Variants in RASSF7 observed in about 807,000 individuals in gnomAD.
The protein encoded by RASSF7 is Ras association domain family member 7.
Under a neutral mutation model 33.8 loss-of-function variants are expected in RASSF7, and 41 were observed. The observed-to-expected ratio is 1.21, with a 90% CI of 0.95 to 1.57. The LOEUF (loss-of-function observed/expected upper bound fraction) is 1.57, where lower values mean the gene tolerates loss of function less well. Ranked by LOEUF, RASSF7 falls within the 40% of genes most tolerant of loss-of-function variation. RASSF7 has a pLI of 0.00. For missense variants in RASSF7, 622 were observed against 497.0 expected (o/e 1.25, Z -2.39); for synonymous variants, 298 against 212.8 (o/e 1.40, Z -3.48).
chr11:562,066 C>A lies in RASSF7; in HGVS notation c.125-13C>A. The stretch of plus-strand genomic sequence containing the variant: ...CGGGGGGACATAGGCTGACCTTCTC[C>A]TCTTCTTCCCAGGCCAGACTGGCCG... On this transcript the variant is annotated splice_polypyrimidine_tract_variant and intron_variant, in intron 2 of 5. Coordinates refer to ENST00000397583, the MANE Select transcript of RASSF7 (RefSeq NM_003475.4). 1 of 1,502,520 alleles carries A rather than the reference C, an allele frequency of 6.7e-7. No individual in the cohort carries two copies. The allele number at this position is 1,502,520 out of a possible 1,614,324, so 93.1% of individuals were successfully genotyped here. A position where few individuals can be genotyped will look rare whatever the true frequency, so the allele number is the denominator to read the frequency against.
chr11:562,492 C>A lies in RASSF7; in HGVS notation c.538C>A (p.Arg180Ser). Residue 180 changes from arginine (R) to serine (S), a missense_variant, in exon 3 of 6, where the codon CGC becomes AGC. Arg to Ser is a moderately radical substitution (Grantham distance 110). Transcript: ENST00000397583. ...TGAGGCCTTCTGGGAGCAAGAGCTG[C>A]GCCGGGAGCAGGCCCGGGAGCGAGA... Reference protein sequence around the residue: ...GHEAFWEQELRREQAREREGQ... With the variant: ...GHEAFWEQELSREQAREREGQ... The A allele has an allele frequency of 6.5e-7, 1 of 1,550,060 alleles. No individual in the cohort carries two copies. The highest frequency in any genetic ancestry group is 8.7e-7 in the Non-Finnish European group (1 of 1,146,910).
intron 1 of RASSF7, 132 bp from the exon 2 acceptor site, chr11:561,630 A>T: frequency 6.9e-7 from 1 of 1,439,208 alleles, no homozygotes. Context: ...GGGCTGGCAC[A>T]GGAGGGTGGG....
At position 561,758 on chromosome 11, in the gene RASSF7, A is replaced by G. The variant is rs747269690; in HGVS notation, c.-7-4A>G. 2.5e-6 allele frequency: 4 copies of G among 1,613,302 alleles called. No homozygotes were observed. Among genetic ancestry groups the G allele is most frequent in the East Asian group, 2.2e-5 (1 of 44,878 alleles). On this transcript the variant is annotated splice_region_variant and splice_polypyrimidine_tract_variant and intron_variant, in intron 1 of 5. Transcript: ENST00000397583. ...CTGACCCGGTGCCTGCGCCCTCCCC[A>G]CAGGACAGGCATGTTGTTGGGACTG...
Position 562,440 on chromosome 11 carries a change from G to T in RASSF7, c.486G>T (p.Val162=). The change falls in exon 3 of 6, where the codon GTG becomes GTT. Residue 162 remains valine (V), a synonymous_variant. Transcript: ENST00000397583. ...ACCTGCGGGGCCTGGAGCTCAGGGT[G>T]CAGAGGAATGCTGAGGAGCTGGGCC... ...CTDLRGLELR[V]QRNAEELGHE... is the part of the protein sequence containing the mutation. 6.4e-7 allele frequency: 1 copy of T among 1,551,760 alleles called. No individual in the cohort carries two copies. The highest frequency in any genetic ancestry group is 1.2e-5 in the South Asian group (1 of 84,482).
intron 2 of RASSF7, 28 bp downstream of exon 2, chr11:561,920 G>C (rs770888375): frequency 7.4e-6 from 12 of 1,611,902 alleles, no homozygotes; most frequent in Admixed American, 6.7e-5. Context: ...CAGGCAGGCC[G>C]GGCAGGTAGA....
Position 563,637 on chromosome 11 carries a change from G to A in RASSF7, c.1114G>A (p.Ala372Thr), listed in dbSNP as rs1169379850. The change falls in exon 6 of 6, where the codon GCT (alanine) becomes ACT (threonine). Residue 372 changes from alanine (A) to threonine (T), a missense_variant. Coordinates refer to ENST00000397583, the MANE Select transcript of RASSF7 (RefSeq NM_003475.4). ...GTGTCCTCTGGCAGCCCAGCCCCAG[G>A]CTCTGTGACAGCCTAGTGAGGGCTG... ...EWCPLAAQPQ[A>T]L 6.2e-7 allele frequency: 1 copy of A among 1,609,866 alleles called. No homozygotes were observed. The highest frequency in any genetic ancestry group is 1.3e-5 in the African/African-American group (1 of 75,040).
At position 561,195 on chromosome 11, in the gene RASSF7, G is replaced by A. The variant is rs1853279013; in HGVS notation, c.-290G>A. ...GCGGAACGGGGACGCCCTGGCTCCC[G>A]CCAGGCTGGGGTCGCGGCGCGGGCT... On this transcript the variant is annotated 5_prime_UTR_variant, in exon 1 of 6. Coordinates refer to ENST00000397583, the MANE Select transcript of RASSF7 (RefSeq NM_003475.4). 1 of 985,018 alleles carries A rather than the reference G, an allele frequency of 1.0e-6. No homozygotes were observed. The highest frequency in any genetic ancestry group is 1.2e-6 in the Non-Finnish European group (1 of 829,826). The allele number at this position is 985,018 out of a possible 1,614,324, so 61.0% of individuals were successfully genotyped here. A position where few individuals can be genotyped will look rare whatever the true frequency, so the allele number is the denominator to read the frequency against.
chr11:561,752 C>G lies in RASSF7; in HGVS notation c.-7-10C>G. Reference sequence around the variant, plus strand: ...CAGGTCCTGACCCGGTGCCTGCGCCCTCCCCACAGGACAGGCATGTTGTTG... The same window carrying G: ...CAGGTCCTGACCCGGTGCCTGCGCCGTCCCCACAGGACAGGCATGTTGTTG... On this transcript the variant is annotated splice_polypyrimidine_tract_variant and intron_variant, in intron 1 of 5. Transcript: ENST00000397583. 1 of 1,613,216 alleles carries G rather than the reference C, an allele frequency of 6.2e-7. No individual in the cohort carries two copies. The highest frequency in any genetic ancestry group is 1.7e-4 in the Middle Eastern group (1 of 6,032).
rs1458702426 is a variant in RASSF7 at position 562,174 on chromosome 11, G to A, written c.220G>A (p.Gly74Arg). ...ECPVGAQATCGQFASDVQFVL... is the reference protein window; with the variant it reads ...ECPVGAQATCRQFASDVQFVL... The stretch of plus-strand genomic sequence containing the variant: ...TCCAGTGGGCGCCCAGGCCACCTGC[G>A]GACAGTTTGCCAGCGATGTCCAGTT... The change falls in exon 3 of 6, where the codon GGA becomes AGA. Residue 74 changes from glycine to arginine, a missense_variant. Physicochemically the swap from Gly to Arg is moderately radical, Grantham distance 125 (BLOSUM62 -2). Coordinates refer to ENST00000397583, the MANE Select transcript of RASSF7 (RefSeq NM_003475.4). The A allele has an allele frequency of 4.4e-6, 7 of 1,584,130 alleles. No individual in the cohort carries two copies. The highest frequency in any genetic ancestry group is 1.1e-5 in the South Asian group (1 of 87,472).
chr11:563,522 G>A (rs1349981089), intron 5 of RASSF7, 36 bp from the exon 6 acceptor site: 2 of 1,610,066 alleles, frequency 1.2e-6, no homozygotes, highest in African/African-American at 1.3e-5. Flanking sequence ...GGGCCCTCCT[G>A]TGGCTGCAGC....
In RASSF7 at chr11:562,618, C is replaced by T; in HGVS notation, c.664C>T (p.Gln222Ter). 3 of 1,543,508 alleles carry T rather than the reference C, an allele frequency of 1.9e-6. No individual in the cohort carries two copies. The highest frequency in any genetic ancestry group is 2.6e-6 in the Non-Finnish European group (3 of 1,146,694). ...AQARALEAELQLAAEAPGPPS... is the reference protein window; with the variant it reads ...AQARALEAEL ...GGCCCGTGCCCTGGAGGCTGAGCTGCAGCTGGCAGCGGAGGCCCCTGGGCC... is the reference window on the plus strand; with the variant it reads ...GGCCCGTGCCCTGGAGGCTGAGCTGTAGCTGGCAGCGGAGGCCCCTGGGCC... The change falls in exon 3 of 6, where the codon CAG becomes TAG. Residue 222 changes from glutamine (Q) to a stop codon, truncating the protein, a stop_gained. Coordinates refer to ENST00000397583, the MANE Select transcript of RASSF7 (RefSeq NM_003475.4). LOFTEE classifies it high-confidence loss of function.
chr11:562,450 G>A lies in RASSF7; in HGVS notation c.496G>A (p.Ala166Thr). The stretch of plus-strand genomic sequence containing the variant: ...CCTGGAGCTCAGGGTGCAGAGGAAT[G>A]CTGAGGAGCTGGGCCATGAGGCCTT... ...RGLELRVQRN[A>T]EELGHEAFWE... The change falls in exon 3 of 6, where the codon GCT (alanine) becomes ACT (threonine). Residue 166 changes from alanine (A) to threonine (T), a missense_variant. Physicochemically the swap from Ala to Thr is moderately conservative, Grantham distance 58. Coordinates refer to ENST00000397583, the MANE Select transcript of RASSF7 (RefSeq NM_003475.4). 6.4e-7 allele frequency: 1 copy of A among 1,551,072 alleles called. No individual in the cohort carries two copies. Among genetic ancestry groups the A allele is most frequent in the Non-Finnish European group, 8.7e-7 (1 of 1,147,152 alleles).
Position 563,978 on chromosome 11 carries a change from C to T in RASSF7, c.*333C>T. On this transcript the variant is annotated 3_prime_UTR_variant, in exon 6 of 6. Transcript: ENST00000397583. The stretch of plus-strand genomic sequence containing the variant: ...CAGCAAGAGCATGTGTGTGCCACTT[C>T]CCCTACCCCAACGTGAAAACCTCAA... The T allele has an allele frequency of 2.5e-6, 1 of 404,638 alleles. No homozygotes were observed. The highest frequency in any genetic ancestry group is 4.4e-6 in the Non-Finnish European group (1 of 225,264). The allele number at this position is 404,638 out of a possible 1,614,324, so 25.1% of individuals were successfully genotyped here. A position where few individuals can be genotyped will look rare whatever the true frequency, so the allele number is the denominator to read the frequency against.
In RASSF7 at chr11:562,379, C is replaced by CG. The variant is rs1246501817; in HGVS notation, c.427dup (p.Ala143GlyfsTer25). ...CCCAGCCTCTCACGCCCTGGGCCTG[C>CG]GGCCCCTGTGACACCCACACCAGGC... On this transcript the variant is annotated frameshift_variant, in exon 3 of 6. Coordinates refer to ENST00000397583, the MANE Select transcript of RASSF7 (RefSeq NM_003475.4). LOFTEE classifies it high-confidence loss of function. 5.7e-6 allele frequency: 9 copies of CG among 1,583,592 alleles called. No homozygotes were observed. The highest frequency in any genetic ancestry group is 2.7e-5 in the African/African-American group (2 of 74,116).
At position 562,528 on chromosome 11, in the gene RASSF7, C is replaced by T. The variant is rs550227930; in HGVS notation, c.574C>T (p.Arg192Cys). Residue 192 changes from arginine to cysteine, a missense_variant, in exon 3 of 6, where the codon CGC becomes TGC. Coordinates refer to ENST00000397583, the MANE Select transcript of RASSF7 (RefSeq NM_003475.4). ...GGCCCGGGAGCGAGAGGGACAGGCA[C>T]GCCTGCAGGCACTAAGTGCGGCCAC... ...EQAREREGQA[R>C]LQALSAATAE... The T allele has an allele frequency of 6.5e-5, 100 of 1,548,760 alleles. No homozygotes were observed. Among genetic ancestry groups the T allele is most frequent in the East Asian group, 1.2e-4 (5 of 40,924 alleles).
At position 561,404 on chromosome 11, in the gene RASSF7, T is replaced by C. The variant is rs2134117085; in HGVS notation, c.-81T>C. ...AGCAGGTCGGGGTGGGGCGTTCCCA[T>C]GCCGGCGGCCGCGGGGCCTGGCGTG... On this transcript the variant is annotated 5_prime_UTR_variant, in exon 1 of 6. An upstream start codon of the reference 5' UTR is lost. Coordinates refer to ENST00000397583, the MANE Select transcript of RASSF7 (RefSeq NM_003475.4). 2 of 1,122,660 alleles carry C rather than the reference T, an allele frequency of 1.8e-6. No individual in the cohort carries two copies. The highest frequency in any genetic ancestry group is 6.4e-5 in the East Asian group (1 of 15,722). 69.5% of individuals were successfully genotyped at this position (1,122,660 alleles called of 1,614,324 possible).
chr11:561,664 C>A, intron 1 of RASSF7, 98 bp from the exon 2 acceptor site: 1 of 1,547,580 alleles, frequency 6.5e-7, no homozygotes, highest in African/African-American at 1.4e-5. Flanking sequence ...GGCGGCAGCC[C>A]AGCCGTTTCT....
Position 563,662 on chromosome 11 carries a change from G to A in RASSF7, c.*17G>A. On this transcript the variant is annotated 3_prime_UTR_variant, in exon 6 of 6. Transcript: ENST00000397583. Reference sequence around the variant, plus strand: ...GCTCTGTGACAGCCTAGTGAGGGCTGCAAGACCATCCTGCCCGGACCACAG... The same window carrying A: ...GCTCTGTGACAGCCTAGTGAGGGCTACAAGACCATCCTGCCCGGACCACAG... 1.3e-6 allele frequency: 2 copies of A among 1,596,442 alleles called. No homozygotes were observed. The highest frequency in any genetic ancestry group is 1.3e-5 in the African/African-American group (1 of 74,856).
Position 562,771 on chromosome 11 carries a change from T to C in RASSF7, c.817T>C (p.Leu273=). 6.7e-7 allele frequency: 1 copy of C among 1,495,784 alleles called. No homozygotes were observed. The highest frequency in any genetic ancestry group is 1.3e-5 in the South Asian group (1 of 78,514). The allele number at this position is 1,495,784 out of a possible 1,614,324, so 92.7% of individuals were successfully genotyped here. Residue 273 remains leucine (L), a synonymous_variant, in exon 3 of 6, where the codon TTG becomes CTG. Coordinates refer to ENST00000397583, the MANE Select transcript of RASSF7 (RefSeq NM_003475.4). ...GGCCCTGGAGGCAGCAGAGCGAGCC[T>C]TGCAGGTGAGCCCGGGGACCTGATC... The part of the protein sequence containing the change: ...SRALEAAERA[L]QAQAQELEEL...
Sources: gnomAD v4.1 joint callset for allele counts on GRCh38, gnomAD v4.1.1 for gene constraint, MANE v1.5 for transcripts, NCBI Gene and HGNC (gene_info 2026-07-23, HGNC 2026-07-21) for gene names.